The following SIPA1L3 variants were observed in gnomAD, a reference collection of about 807,000 sequenced individuals.
SIPA1L3 encodes signal induced proliferation associated 1 like 3, also known as signal-induced proliferation-associated 1-like protein 3.
In SIPA1L3, 59 loss-of-function variants were observed where a neutral mutation model predicts 150.1. The observed-to-expected ratio is 0.39, with a 90% CI of 0.32 to 0.49. The LOEUF (loss-of-function observed/expected upper bound fraction) is 0.49. Among genes scored for constraint, SIPA1L3 ranks in the 20% least tolerant of loss-of-function variants. The pLI is 0.86. For synonymous variants in SIPA1L3, 1,070 were observed against 1,077.6 expected, an observed-to-expected ratio of 0.99 and a Z score of 0.14; for missense variants, 2,211 against 2,489.5, an observed-to-expected ratio of 0.89 and a Z score of 2.38.
At chr19:38,190,347 GTCTGTCTC>G (rs1972780512) in intron 16 of SIPA1L3, among the ~76,000 whole-genome samples, 1 of 152,170 alleles carries the variant, frequency 6.6e-6, no homozygotes, top group Admixed American at 6.5e-5. Flanking sequence ...TTTGATTTGT[GTCTGTCTC>G]TCTGTCTCTC....
chr19:38,089,824 A>G (rs1166513158), intron 4 of SIPA1L3, among the ~76,000 whole-genome samples: 1 of 152,230 alleles, frequency 6.6e-6, no homozygotes, highest in African/African-American at 2.4e-5. Flanking sequence ...TGGTTCATGT[A>G]ACTGCAAATC....
intron 1 of SIPA1L3, among the ~76,000 whole-genome samples, chr19:38,023,122 T>A (rs1157744051): frequency 1.3e-5 from 2 of 152,212 alleles, no homozygotes; most frequent in Non-Finnish European, 2.9e-5. Flanking sequence ...GTGAGCCCAC[T>A]CTACCACGGA....
intron 1 of SIPA1L3, among the ~76,000 whole-genome samples, chr19:37,944,919 C>G (rs559464060): frequency 5.9e-5 from 9 of 152,182 alleles, no homozygotes; most frequent in Admixed American, 2.0e-4. Context: ...CCACTGCACT[C>G]CAGCCTGGGT....
At chr19:38,030,637 T>C (rs1350174175) in intron 2 of SIPA1L3, among the ~76,000 whole-genome samples, 3 of 27,276 alleles carry the variant, frequency 1.1e-4, no homozygotes, top group African/African-American at 1.8e-4. Context: ...TATATATATA[T>C]ATATATATAT....
chr19:37,976,265 CT>C (rs1967074408), intron 1 of SIPA1L3, among the ~76,000 whole-genome samples: 1 of 152,110 alleles, frequency 6.6e-6, no homozygotes, highest in South Asian at 2.1e-4. Flanking sequence ...GGGTCTTCGT[CT>C]TGTTGTACGT....
intron 1 of SIPA1L3, among the ~76,000 whole-genome samples, chr19:38,012,935 C>G (rs1968138680): frequency 6.6e-6 from 1 of 152,174 alleles, no homozygotes; most frequent in African/African-American, 2.4e-5. Context: ...CCCCTGTTCC[C>G]TTCTGTGTCT....
At chr19:38,156,063 G>A (rs1193105185) in intron 13 of SIPA1L3, among the ~76,000 whole-genome samples, 2 of 151,944 alleles carry the variant, frequency 1.3e-5, no homozygotes, top group Non-Finnish European at 2.9e-5. Flanking sequence ...CCTGGGTAAC[G>A]AGAGAGAAAC....
At chr19:38,098,180 C>T (rs905046627) in intron 4 of SIPA1L3, among the ~76,000 whole-genome samples, 26 of 152,104 alleles carry the variant, frequency 1.7e-4, no homozygotes, top group Non-Finnish European at 2.6e-4. Flanking sequence ...GGCTGCAAAG[C>T]GATAGAAAAC....
At chr19:38,187,899 G>A (rs1166984038) in intron 16 of SIPA1L3, among the ~76,000 whole-genome samples, 2 of 151,726 alleles carry the variant, frequency 1.3e-5, no homozygotes, top group African/African-American at 2.4e-5. Context: ...GGGAGGCTGA[G>A]GCAGGAGAAT....
chr19:38,005,480 C>T (rs1967919100), intron 1 of SIPA1L3, among the ~76,000 whole-genome samples: 1 of 152,126 alleles, frequency 6.6e-6, no homozygotes, highest in African/African-American at 2.4e-5. Context: ...CTGCCCACTA[C>T]CCCTGCCCTT....
chr19:38,015,115 C>T (rs546571112), intron 1 of SIPA1L3, among the ~76,000 whole-genome samples: 1 of 152,118 alleles, frequency 6.6e-6, no homozygotes, highest in Non-Finnish European at 1.5e-5. Flanking sequence ...ACGCCCAGCT[C>T]CATGCCAGAT....
Position 38,182,616 on chromosome 19 carries a change from C to A in SIPA1L3, c.4306C>A (p.Gln1436Lys). Reference sequence around the variant, plus strand: ...CCAGCTGGCCCAGCCCAGCCCCTTTCAGCTCTCCGCCTCCGTCCCCAAGTC... The same window carrying A: ...CCAGCTGGCCCAGCCCAGCCCCTTTAAGCTCTCCGCCTCCGTCCCCAAGTC... ...PSQLAQPSPF[Q>K]LSASVPKSFF... Residue 1436 changes from glutamine (Q) to lysine (K), a missense_variant, in exon 16 of 22, where the codon CAG (glutamine) becomes AAG (lysine). Physicochemically the swap from Gln to Lys is moderately conservative, Grantham distance 53. Coordinates refer to ENST00000222345, the MANE Select transcript of SIPA1L3 (RefSeq NM_015073.3). 6.2e-7 allele frequency: 1 copy of A among 1,614,226 alleles called. No homozygotes were observed. Among genetic ancestry groups the A allele is most frequent in the Non-Finnish European group, 8.5e-7 (1 of 1,180,028 alleles).
chr19:38,097,263 C>T (rs935452041), intron 4 of SIPA1L3, among the ~76,000 whole-genome samples: 4 of 152,170 alleles, frequency 2.6e-5, no homozygotes, highest in Non-Finnish European at 4.4e-5. Context: ...GGCAGGGGAT[C>T]TCTTGCGCCC....
rs752542596 is a variant in SIPA1L3, at chr19:38,119,319, C to T, written c.2305C>T (p.Arg769Ter). The T allele has an allele frequency of 3.1e-6, 5 of 1,613,676 alleles. No individual in the cohort carries two copies. The highest frequency in any genetic ancestry group is 1.3e-5 in the African/African-American group (1 of 75,044). The change falls in exon 9 of 22, where the codon CGA becomes TGA. Residue 769 changes from arginine to a stop codon, truncating the protein, a stop_gained. Coordinates refer to ENST00000222345, the MANE Select transcript of SIPA1L3 (RefSeq NM_015073.3). LOFTEE classifies it high-confidence loss of function. ...CTCCCTCCACAGTATGGCTGTGACCCGATCCAAAGACGCTCCTCCTTTCGG... is the reference window on the plus strand; with the variant it reads ...CTCCCTCCACAGTATGGCTGTGACCTGATCCAAAGACGCTCCTCCTTTCGG... ...DNVCYSMAVT[R>*]SKDAPPFGPP...
chr19:38,017,923 CCATCACACTAAAAAG>C (rs151296258), intron 1 of SIPA1L3, among the ~76,000 whole-genome samples: 4,784 of 151,744 alleles, frequency 0.032, 218 homozygotes, highest in African/African-American at 0.11. Flanking sequence ...CCCCTGCTTC[CCATCACACTAAAAAG>C]CATGTGGCTG....
intron 9 of SIPA1L3, among the ~76,000 whole-genome samples, chr19:38,121,313 C>T (rs1469448128): frequency 6.6e-6 from 1 of 151,998 alleles, no homozygotes; most frequent in Non-Finnish European, 1.5e-5. Flanking sequence ...TGGTGGGCGC[C>T]TGTAGTCCCG....
At chr19:38,037,505 C>T (rs1968819004) in intron 2 of SIPA1L3, among the ~76,000 whole-genome samples, 2 of 152,080 alleles carry the variant, frequency 1.3e-5, no homozygotes, top group Non-Finnish European at 2.9e-5. Context: ...GTCTGGCTGG[C>T]GGTGAGGAGG....
intron 1 of SIPA1L3, among the ~76,000 whole-genome samples, chr19:37,981,278 G>T (rs1404381145): frequency 6.6e-6 from 1 of 152,070 alleles, no homozygotes; most frequent in Non-Finnish European, 1.5e-5. Flanking sequence ...TACAAAAAAT[G>T]AGCCAGGTGG....
chr19:37,947,356 G>A (rs1035551432), intron 1 of SIPA1L3, among the ~76,000 whole-genome samples: 9 of 151,922 alleles, frequency 5.9e-5, no homozygotes, highest in Non-Finnish European at 1.3e-4. Context: ...GGGTGTGGTG[G>A]CAGGCACCTG....
Sources: allele counts gnomAD v4.1 joint callset (sites outside exome capture counted in the v4.1 genomes callset), GRCh38; gene constraint gnomAD v4.1.1; transcripts MANE v1.5; gene names NCBI Gene and HGNC (gene_info 2026-07-23, HGNC 2026-07-21).